Variants in IMPG2 observed in about 807,000 individuals in gnomAD.
IMPG2 encodes interphotoreceptor matrix proteoglycan 2, also known as IPM 200.
Under a neutral mutation model 129.2 loss-of-function variants are expected in IMPG2, and 91 were observed. The ratio of observed to expected loss-of-function variants is 0.70; its 90% CI spans 0.59 to 0.84. The LOEUF is 0.84. Among genes scored for constraint, IMPG2 ranks in the 40% least tolerant of loss-of-function variants. IMPG2 has a pLI of 0.00. For synonymous variants in IMPG2, 510 were observed against 517.7 expected (o/e 0.99, Z 0.20); for missense variants, 1,430 against 1,461.7 (o/e 0.98, Z 0.35).
At chr3:101,302,055 A>C (rs1439496218) in intron 3 of IMPG2, among the ~76,000 whole-genome samples, 1 of 152,160 alleles carries the variant, frequency 6.6e-6, no homozygotes, top group African/African-American at 2.4e-5. Flanking sequence ...CCCTACAAAC[A>C]CTTGGCTCGT....
At position 101,253,405 on chromosome 3, in the gene IMPG2, G is replaced by A. The variant is rs576674432; in HGVS notation, c.1239+291C>T. On this transcript the variant is annotated intron_variant, in intron 11 of 18. Transcript: ENST00000193391. ...GTAACTCTCAGAGAACAATCAGTGG[G>A]CACTTAATAGCCTAATTATCACTGA... 2.6e-5 allele frequency among the ~76,000 whole-genome samples: 4 copies of A among 152,136 alleles called. No homozygotes were observed. In the South Asian group the frequency reaches 6.2e-4, roughly 24 times the overall value.
chr3:101,305,008 A>G (rs1707174383), intron 2 of IMPG2, among the ~76,000 whole-genome samples: 1 of 152,164 alleles, frequency 6.6e-6, no homozygotes, highest in South Asian at 2.1e-4. Context: ...AATCTTTTTT[A>G]TACATAAAAA....
At chr3:101,238,161 AG>A (rs1706368064) in intron 14 of IMPG2, among the ~76,000 whole-genome samples, 1 of 152,066 alleles carries the variant, frequency 6.6e-6, no homozygotes. Context: ...CATGAAGACA[AG>A]GTTAGAGAAA....
At chr3:101,299,563 T>C (rs1707118196) in intron 3 of IMPG2, among the ~76,000 whole-genome samples, 1 of 152,048 alleles carries the variant, frequency 6.6e-6, no homozygotes. Flanking sequence ...TGCTGACCCT[T>C]GGATTGAGTT....
At chr3:101,315,011 T>C (rs1437640651) in intron 2 of IMPG2, among the ~76,000 whole-genome samples, 1 of 152,068 alleles carries the variant, frequency 6.6e-6, no homozygotes, top group Non-Finnish European at 1.5e-5. Flanking sequence ...AAAAAGACTC[T>C]CCCAGCTCCC....
rs1173654232 is a variant in IMPG2 at position 101,269,544 on chromosome 3, G to A, written c.858C>T (p.Gly286=). 1 of 1,596,532 alleles carries A rather than the reference G, an allele frequency of 6.3e-7. No homozygotes were observed. The highest frequency in any genetic ancestry group is 8.6e-7 in the Non-Finnish European group (1 of 1,164,280). Reference sequence around the variant, plus strand: ...ATTCAAGTACACGAATTTCCTTGTAGCCTGGTAACCCAGTAAATGCATTTT... The same window carrying A: ...ATTCAAGTACACGAATTTCCTTGTAACCTGGTAACCCAGTAAATGCATTTT... The part of the protein sequence containing the change: ...EVENAFTGLP[G]YKEIRVLEFR... The change falls in exon 8 of 19, where the codon GGC becomes GGT. Residue 286 remains glycine (G), a synonymous_variant. Coordinates refer to ENST00000193391, the MANE Select transcript of IMPG2 (RefSeq NM_016247.4).
At chr3:101,320,070 C>T (rs1335254864) in intron 1 of IMPG2, among the ~76,000 whole-genome samples, 2 of 151,788 alleles carry the variant, frequency 1.3e-5, no homozygotes, top group Non-Finnish European at 2.9e-5. Context: ...CCAATTTCAA[C>T]AAAATAAATA....
At chr3:101,228,943 G>A in intron 17 of IMPG2, 67 bp from the exon 18 acceptor site, 1 of 1,147,164 alleles carries the variant, frequency 8.7e-7, no homozygotes, top group Non-Finnish European at 1.3e-6. Flanking sequence ...TTTTAAAAGG[G>A]GTTCTAATTT....
intron 8 of IMPG2, 92 bp from the exon 9 acceptor site, chr3:101,267,623 T>A: frequency 9.3e-7 from 1 of 1,073,090 alleles, no homozygotes; most frequent in Non-Finnish European, 1.4e-6. Flanking sequence ...ATGTATTTCC[T>A]CTGAATTTCT....
intron 3 of IMPG2, among the ~76,000 whole-genome samples, chr3:101,292,841 A>C (rs113309910): frequency 0.011 from 1,701 of 152,316 alleles, 33 homozygotes; most frequent in African/African-American, 0.038. Flanking sequence ...TGTTCACAGC[A>C]TCTTTACCAG....
At chr3:101,313,092 A>G (rs2058764326) in intron 2 of IMPG2, among the ~76,000 whole-genome samples, 1 of 152,126 alleles carries the variant, frequency 6.6e-6, no homozygotes, top group African/African-American at 2.4e-5. Context: ...AAATTGTATC[A>G]AACTTGAATT....
intron 7 of IMPG2, among the ~76,000 whole-genome samples, chr3:101,272,861 A>G (rs1362771497): frequency 2.0e-5 from 3 of 152,246 alleles, no homozygotes; most frequent in Non-Finnish European, 4.4e-5. Flanking sequence ...GGAATGGGAA[A>G]AAATAAACGA....
intron 12 of IMPG2, 129 bp downstream of exon 12, chr3:101,245,673 A>G (rs977260844): frequency 3.4e-6 from 3 of 876,756 alleles, no homozygotes; most frequent in Admixed American, 1.8e-5. Context: ...CTCACACACA[A>G]TTTTACCAAG....
intron 4 of IMPG2, among the ~76,000 whole-genome samples, chr3:101,288,608 C>T (rs1403766078): frequency 6.6e-6 from 1 of 152,060 alleles, no homozygotes; most frequent in African/African-American, 2.4e-5. Flanking sequence ...GAACAGAAAG[C>T]CAAATACTGC....
chr3:101,299,967 C>G (rs1707122260), intron 3 of IMPG2, among the ~76,000 whole-genome samples: 1 of 152,244 alleles, frequency 6.6e-6, no homozygotes, highest in Non-Finnish European at 1.5e-5. Context: ...ACCCACTCAT[C>G]TGGGTTGCCT....
chr3:101,282,573 G>A (rs1318233781), intron 4 of IMPG2, among the ~76,000 whole-genome samples: 1 of 152,056 alleles, frequency 6.6e-6, no homozygotes, highest in African/African-American at 2.4e-5. Context: ...AGTCAGTTCT[G>A]CTATGCTATT....
chr3:101,290,280 G>A (rs1706991371), intron 4 of IMPG2, among the ~76,000 whole-genome samples: 1 of 152,082 alleles, frequency 6.6e-6, no homozygotes, highest in African/African-American at 2.4e-5. Flanking sequence ...GCTGAGGCGG[G>A]CCAATTGCTT....
intron 2 of IMPG2, among the ~76,000 whole-genome samples, chr3:101,316,102 T>C (rs1427118240): frequency 4.6e-5 from 7 of 151,920 alleles, no homozygotes; most frequent in African/African-American, 1.4e-4. Flanking sequence ...TATGTCATAA[T>C]CAAAAATTAA....
chr3:101,258,418 A>AT (rs1445059274), intron 9 of IMPG2, among the ~76,000 whole-genome samples: 13 of 152,004 alleles, frequency 8.6e-5, no homozygotes, highest in Non-Finnish European at 1.5e-5. Flanking sequence ...TTATGAAGTA[A>AT]TTTTTTTCTT....
Sources: allele counts gnomAD v4.1 joint callset (sites outside exome capture counted in the v4.1 genomes callset), GRCh38; gene constraint gnomAD v4.1.1; transcripts MANE v1.5; gene names NCBI Gene and HGNC (gene_info 2026-07-23, HGNC 2026-07-21).